NCBP3: variants seen among roughly 807,000 people sequenced by gnomAD.
The protein encoded by NCBP3 is nuclear cap binding subunit 3.
In NCBP3, 20 loss-of-function variants were observed where a neutral mutation model predicts 75.7. The ratio of observed to expected loss-of-function variants is 0.26; its 90% CI spans 0.19 to 0.38. The LOEUF (loss-of-function observed/expected upper bound fraction) is 0.38, where lower values mean the gene tolerates loss of function less well. Ranked by LOEUF, NCBP3 falls within the 10% of genes least tolerant of loss-of-function variation. The probability of loss-of-function intolerance (pLI) is 1.00; values close to 1 mark genes in which losing one functional copy is unlikely to be tolerated. For missense variants in NCBP3, 678 were observed against 796.9 expected (o/e 0.85, Z 1.80); for synonymous variants, 293 against 290.5 (o/e 1.01, Z -0.09).
Position 3,818,433 on chromosome 17 carries a change from G to C in NCBP3, c.1140C>G (p.Leu380=). ...ACGCGCTCCGCTCCCGGGGCTGCTTGAGAGCCGGGAGCTCCTCGTGGTACT... is the reference window on the plus strand; with the variant it reads ...ACGCGCTCCGCTCCCGGGGCTGCTTCAGAGCCGGGAGCTCCTCGTGGTACT... ...VVEYHEELPA[L]KQPRERSASR... The change falls in exon 10 of 13, where the codon CTC becomes CTG. Residue 380 remains leucine (L), a synonymous_variant. Transcript: ENST00000389005. This position sits in a 1 kb window ranked among gnomAD's most constrained non-coding sequence, Gnocchi z 4.7. The C allele has an allele frequency of 6.2e-7, 1 of 1,614,090 alleles. No homozygotes were observed.
At position 3,816,130 on chromosome 17, in the gene NCBP3, C is replaced by G; in HGVS notation, c.1451G>C (p.Ser484Thr). 6.2e-7 allele frequency: 1 copy of G among 1,613,924 alleles called. No individual in the cohort carries two copies. Among genetic ancestry groups the G allele is most frequent in the Non-Finnish European group, 8.5e-7 (1 of 1,179,890 alleles). Residue 484 changes from serine to threonine, a missense_variant, in exon 11 of 13, where the codon AGC (serine) becomes ACC (threonine). Physicochemically the swap from Ser to Thr is moderately conservative, Grantham distance 58. Around this residue, in one of 7 missense-constraint regions of NCBP3, gnomAD observed 365 missense variants for 392.7 expected, o/e 0.93. Transcript: ENST00000389005. ...RQHSRPRPPVSSTKSDIRQRL... is the reference protein window; with the variant it reads ...RQHSRPRPPVTSTKSDIRQRL... ...AGGAACAGTACCTGATTTAGTACTG[C>G]TGACTGGTGGCCGTGGACGGGAGTG...
At chr17:3,835,965 T>A (rs759582121) in intron 3 of NCBP3, among the ~76,000 whole-genome samples, 25 of 152,218 alleles carry the variant, frequency 1.6e-4, no homozygotes, top group Non-Finnish European at 2.6e-4. Flanking sequence ...TGTGGGACTA[T>A]GAGCAAGTTT....
intron 4 of NCBP3, among the ~76,000 whole-genome samples, chr17:3,828,170 T>C (rs1266553185): frequency 2.6e-5 from 4 of 152,188 alleles, no homozygotes; most frequent in Admixed American, 6.5e-5. Flanking sequence ...CCTCCCGCCC[T>C]GGCCTCCCAA....
rs1886960388 is a variant in NCBP3, at chr17:3,807,035, A to T, written c.*6009T>A. 1 of 152,216 alleles carries T rather than the reference A, an allele frequency of 6.6e-6. No individual in the cohort carries two copies. The highest frequency in any genetic ancestry group is 6.5e-5 in the Admixed American group (1 of 15,274). The allele number at this position is 152,216 out of a possible 1,614,324, so 9.4% of individuals were successfully genotyped here. A position where few individuals can be genotyped will look rare whatever the true frequency, so the allele number is the denominator to read the frequency against. On this transcript the variant is annotated 3_prime_UTR_variant, in exon 13 of 13. Transcript: ENST00000389005. The stretch of plus-strand genomic sequence containing the variant: ...TGGCTTCACAGTAAATTTTGACTTA[A>T]GTCTAAAGCGTGTGTTAGCATCTCA...
In NCBP3 at chr17:3,804,887, A is replaced by C. The variant is rs2053320578; in HGVS notation, c.*8157T>G. On this transcript the variant is annotated 3_prime_UTR_variant, in exon 13 of 13. Transcript: ENST00000389005. ...TAGTAAGGAGCAGAGCTGGGACTCC[A>C]AACAGGCCTGTTTCCTCCAGAATCA... is the stretch of plus-strand genomic sequence containing the variant. 1 of 152,250 alleles carries C rather than the reference A, an allele frequency of 6.6e-6. No individual in the cohort carries two copies. Among genetic ancestry groups the C allele is most frequent in the South Asian group, 2.1e-4 (1 of 4,832 alleles). 9.4% of individuals were successfully genotyped at this position (152,250 alleles called of 1,614,324 possible).
chr17:3,843,081 C>T lies in NCBP3; in HGVS notation c.249+5G>A, dbSNP rs2054095029. ...GCTGAATAAATAAATCATAGCCTGT[C>T]TTACCTTGGAGGTGACATCAATTCC... On this transcript the variant is annotated splice_donor_5th_base_variant and intron_variant, in intron 2 of 12. Transcript: ENST00000389005. The T allele has an allele frequency of 1.9e-6, 3 of 1,549,648 alleles. No individual in the cohort carries two copies. The highest frequency in any genetic ancestry group is 2.6e-6 in the Non-Finnish European group (3 of 1,145,196).
chr17:3,842,286 G>A (rs924525878), intron 2 of NCBP3, among the ~76,000 whole-genome samples: 9 of 148,600 alleles, frequency 6.1e-5, no homozygotes, highest in African/African-American at 1.9e-4. Context: ...TTAGCCAGGC[G>A]TGGTGGCGGG....
rs549741766 is a variant in NCBP3, at chr17:3,806,486, G to A, written c.*6558C>T. The A allele has an allele frequency of 2.6e-5, 4 of 152,252 alleles. No individual in the cohort carries two copies. Among genetic ancestry groups the A allele is most frequent in the East Asian group, 3.9e-4 (2 of 5,184 alleles). 9.4% of individuals were successfully genotyped at this position (152,252 alleles called of 1,614,324 possible). A position where few individuals can be genotyped will look rare whatever the true frequency, so the allele number is the denominator to read the frequency against. ...ATAACACAAAGTCTCAACTATTTAC[G>A]AACCTGGTCATCCAGAGAGGGCCCC... On this transcript the variant is annotated 3_prime_UTR_variant, in exon 13 of 13. Coordinates refer to ENST00000389005, the MANE Select transcript of NCBP3 (RefSeq NM_001114118.3).
intron 12 of NCBP3, among the ~76,000 whole-genome samples, chr17:3,813,506 G>T (rs935559881): frequency 6.6e-6 from 1 of 152,098 alleles, no homozygotes; most frequent in Non-Finnish European, 1.5e-5. Flanking sequence ...ACCGTGGGGG[G>T]ACAGGTCAGG....
rs755608299 is a variant in NCBP3, at chr17:3,818,233, A to G, written c.1310+30T>C. 6.9e-7 allele frequency: 1 copy of G among 1,455,008 alleles called. No individual in the cohort carries two copies. Among genetic ancestry groups the G allele is most frequent in the East Asian group, 2.3e-5 (1 of 43,872 alleles). 90.1% of individuals were successfully genotyped at this position (1,455,008 alleles called of 1,614,324 possible). A position where few individuals can be genotyped will look rare whatever the true frequency, so the allele number is the denominator to read the frequency against. ...TATACTAGTATTTAAAATCAAATTA[A>G]AAGCTAGCTTTGATAAAACAAATTT... On this transcript the variant is annotated intron_variant, in intron 10 of 12. Coordinates refer to ENST00000389005, the MANE Select transcript of NCBP3 (RefSeq NM_001114118.3). This position sits in a 1 kb window ranked among gnomAD's most constrained non-coding sequence, Gnocchi z 4.7.
intron 7 of NCBP3, 73 bp downstream of exon 7, chr17:3,824,869 A>G: frequency 1.3e-6 from 1 of 799,192 alleles, no homozygotes; most frequent in East Asian, 2.9e-5. Context: ...CTTCTATTCA[A>G]AAAAGAAGGA....
In NCBP3 at chr17:3,807,233, C is replaced by A. The variant is rs893582510; in HGVS notation, c.*5811G>T. 1.3e-5 allele frequency: 2 copies of A among 152,256 alleles called. No homozygotes were observed. Among genetic ancestry groups the A allele is most frequent in the African/African-American group, 4.8e-5 (2 of 41,458 alleles). The allele number at this position is 152,256 out of a possible 1,614,324, so 9.4% of individuals were successfully genotyped here. A position where few individuals can be genotyped will look rare whatever the true frequency, so the allele number is the denominator to read the frequency against. The stretch of plus-strand genomic sequence containing the variant: ...GCAGTCCTTCTTTAGGGTCTAGCGC[C>A]TGCCTACCAGCTTCCTCTACTTCTA... On this transcript the variant is annotated 3_prime_UTR_variant, in exon 13 of 13. Coordinates refer to ENST00000389005, the MANE Select transcript of NCBP3 (RefSeq NM_001114118.3).
At chr17:3,826,783 C>G (rs997225597) in intron 4 of NCBP3, among the ~76,000 whole-genome samples, 7 of 151,330 alleles carry the variant, frequency 4.6e-5, no homozygotes, top group Admixed American at 4.0e-4. Context: ...GGAGGCCGAG[C>G]CAGGCGGATC....
At position 3,808,821 on chromosome 17, in the gene NCBP3, C is replaced by G. The variant is rs754383035; in HGVS notation, c.*4223G>C. 6.6e-6 allele frequency: 1 copy of G among 152,132 alleles called. No individual in the cohort carries two copies. The highest frequency in any genetic ancestry group is 2.4e-5 in the African/African-American group (1 of 41,422). The allele number at this position is 152,132 out of a possible 1,614,324, so 9.4% of individuals were successfully genotyped here. A position where few individuals can be genotyped will look rare whatever the true frequency, so the allele number is the denominator to read the frequency against. On this transcript the variant is annotated 3_prime_UTR_variant, in exon 13 of 13. Coordinates refer to ENST00000389005, the MANE Select transcript of NCBP3 (RefSeq NM_001114118.3). ...CATAGCTCACCACAGCCTTGAATTACTGGGCTCATGCGATCAGGAGTGTGG... is the reference window on the plus strand; with the variant it reads ...CATAGCTCACCACAGCCTTGAATTAGTGGGCTCATGCGATCAGGAGTGTGG...
rs759970858 is a variant in NCBP3 at position 3,816,248 on chromosome 17, C to T, written c.1333G>A (p.Val445Ile). ...CGGTTTTTGATATTGCTTGAAGATA[C>T]ACTATCTGCCCTCATGGAGTTCCTT... ...NIRNSMRADS[V>I]SSSNIKNRIG... The change falls in exon 11 of 13, where the codon GTA becomes ATA. Residue 445 changes from valine to isoleucine, a missense_variant. Physicochemically the swap from Val to Ile is conservative, Grantham distance 29. Coordinates refer to ENST00000389005, the MANE Select transcript of NCBP3 (RefSeq NM_001114118.3). 1 of 1,614,052 alleles carries T rather than the reference C, an allele frequency of 6.2e-7. No individual in the cohort carries two copies. The highest frequency in any genetic ancestry group is 8.5e-7 in the Non-Finnish European group (1 of 1,179,992).
intron 3 of NCBP3, among the ~76,000 whole-genome samples, chr17:3,835,237 A>G (rs2143699592): frequency 6.6e-6 from 1 of 152,386 alleles, no homozygotes; most frequent in South Asian, 2.1e-4. Context: ...CCTCAAGTAC[A>G]TGATGAGAAA....
At position 3,846,142 on chromosome 17, in the gene NCBP3, C is replaced by T; in HGVS notation, c.82G>A (p.Ala28Thr). The change falls in exon 1 of 13, where the codon GCG becomes ACG. Residue 28 changes from alanine to threonine, a missense_variant. By Grantham distance (58) the Ala-to-Thr change is moderately conservative (BLOSUM62 0). Around this residue, in one of 7 missense-constraint regions of NCBP3, gnomAD observed 76 missense variants for 53.8 expected, o/e 1.41. Transcript: ENST00000389005. The surrounding 1 kb of genome is among the most constrained non-coding windows in gnomAD (Gnocchi z 4.6). ...GPALGLPSPEAESGVDRGEPE... is the reference protein window; with the variant it reads ...GPALGLPSPETESGVDRGEPE... ...TCGCCACGGTCAACACCGGACTCCG[C>T]CTCAGGGGACGGGAGCCCCAGGGCC... 1 of 1,540,676 alleles carries T rather than the reference C, an allele frequency of 6.5e-7. No individual in the cohort carries two copies. The highest frequency in any genetic ancestry group is 8.8e-7 in the Non-Finnish European group (1 of 1,142,598).
At chr17:3,816,396 T>G in intron 10 of NCBP3, 126 bp from the exon 11 acceptor site, 1 of 793,812 alleles carries the variant, frequency 1.3e-6, no homozygotes. Flanking sequence ...CAACATTCAC[T>G]TACAAATCCA....
chr17:3,842,528 C>T (rs1231076681), intron 2 of NCBP3, among the ~76,000 whole-genome samples: 2 of 152,168 alleles, frequency 1.3e-5, no homozygotes, highest in African/African-American at 4.8e-5. Context: ...TTTAAAAAAG[C>T]ATCCCCCGTC....
Sources: gnomAD v4.1 joint callset for allele counts (sites outside exome capture counted in the v4.1 genomes callset) on GRCh38, gnomAD v4.1.1 for gene constraint, gnomAD v4.1.1 regional missense constraint, Gnocchi (gnomAD v3.1) non-coding constraint, MANE v1.5 for transcripts, NCBI Gene and HGNC (gene_info 2026-07-23, HGNC 2026-07-21) for gene names.